ATXN7L1: variants seen among roughly 807,000 people sequenced by gnomAD.
ATXN7L1 encodes ataxin-7-like protein 1.
Under a neutral mutation model 70.8 loss-of-function variants are expected in ATXN7L1, and 15 were observed. That is an observed-to-expected ratio of 0.21 (90% CI 0.14 to 0.33). ATXN7L1 has a LOEUF of 0.33. Among genes scored for constraint, ATXN7L1 ranks in the 10% least tolerant of loss-of-function variants. ATXN7L1 has a pLI of 1.00. For synonymous variants in ATXN7L1, 440 were observed against 445.1 expected (o/e 0.99, Z 0.14); for missense variants, 975 against 1,097.1 (o/e 0.89, Z 1.57).
chr7:105,875,995 A>G (rs1490137159), intron 1 of ATXN7L1, 115 bp from the exon 2 acceptor site: 1 of 928,602 alleles, frequency 1.1e-6, no homozygotes, highest in East Asian at 2.4e-5. Context: ...TAAATACTGT[A>G]TATGAAATTC....
chr7:105,870,977 C>T (rs1414021376), intron 2 of ATXN7L1, among the ~76,000 whole-genome samples: 1 of 151,550 alleles, frequency 6.6e-6, no homozygotes, highest in Non-Finnish European at 1.5e-5. Context: ...CAGAATATTG[C>T]TTGTGTATGA....
chr7:105,648,381 A>G (rs1171807835), intron 4 of ATXN7L1, among the ~76,000 whole-genome samples: 2 of 152,148 alleles, frequency 1.3e-5, no homozygotes, highest in Non-Finnish European at 2.9e-5. Context: ...GATGGTGGGA[A>G]AGGCATTTGA....
chr7:105,864,373 G>A lies in ATXN7L1; in HGVS notation c.250+11439C>T, dbSNP rs559360993. On this transcript the variant is annotated intron_variant, in intron 2 of 11. Coordinates refer to ENST00000419735, the MANE Select transcript of ATXN7L1 (RefSeq NM_020725.2). ...CCTAGGAGTCTGAGGTAGAAGGATCGCTTGAGCCCTGGAGATCGACGCTGC... is the reference window on the plus strand; with the variant it reads ...CCTAGGAGTCTGAGGTAGAAGGATCACTTGAGCCCTGGAGATCGACGCTGC... Among the ~76,000 whole-genome samples, 40 of 145,156 alleles carry A rather than the reference G, an allele frequency of 2.8e-4. No homozygotes were observed. In the South Asian group the frequency reaches 8.0e-3, roughly 29 times the overall value.
chr7:105,831,510 G>T (rs377345037), intron 2 of ATXN7L1, among the ~76,000 whole-genome samples: 3 of 152,318 alleles, frequency 2.0e-5, no homozygotes, highest in East Asian at 3.9e-4. Context: ...GAGGAACTAT[G>T]AAAAGTGCTC....
chr7:105,657,278 G>A (rs982968578), intron 4 of ATXN7L1, among the ~76,000 whole-genome samples: 4 of 152,080 alleles, frequency 2.6e-5, no homozygotes, highest in African/African-American at 7.2e-5. Context: ...TGATGGGAGC[G>A]TAACATTTAA....
At chr7:105,671,247 C>A (rs901181107) in intron 3 of ATXN7L1, among the ~76,000 whole-genome samples, 2 of 148,298 alleles carry the variant, frequency 1.3e-5, no homozygotes, top group African/African-American at 2.5e-5. Context: ...TACACCACTG[C>A]ACTCCAGCCT....
chr7:105,666,137 TA>T (rs1288476041), intron 3 of ATXN7L1, among the ~76,000 whole-genome samples: 1 of 152,168 alleles, frequency 6.6e-6, no homozygotes, highest in African/African-American at 2.4e-5. Flanking sequence ...TGTTTTAGAA[TA>T]ACAGATCTGA....
intron 3 of ATXN7L1, among the ~76,000 whole-genome samples, chr7:105,718,964 G>A (rs1316071494): frequency 1.3e-5 from 2 of 152,182 alleles, no homozygotes; most frequent in Non-Finnish European, 1.5e-5. Context: ...AACAGGTGAT[G>A]AACAGCAGCC....
chr7:105,814,183 G>C, intron 2 of ATXN7L1, among the ~76,000 whole-genome samples: 1 of 152,204 alleles, frequency 6.6e-6, no homozygotes, highest in Non-Finnish European at 1.5e-5. Flanking sequence ...GGACCATCCA[G>C]TGTTTTCTCT....
intron 4 of ATXN7L1, among the ~76,000 whole-genome samples, chr7:105,645,761 C>T (rs1277126676): frequency 1.3e-5 from 2 of 151,522 alleles, no homozygotes; most frequent in South Asian, 4.2e-4. Flanking sequence ...TACAGTGAGC[C>T]GAGATAGTGC....
At chr7:105,729,748 T>C (rs1490815190) in intron 3 of ATXN7L1, among the ~76,000 whole-genome samples, 1 of 150,090 alleles carries the variant, frequency 6.7e-6, no homozygotes, top group Non-Finnish European at 1.5e-5. Context: ...TTTTTTTTTT[T>C]TTTTTCTGAG....
chr7:105,689,787 G>A (rs1030476725), intron 3 of ATXN7L1, among the ~76,000 whole-genome samples: 1 of 152,198 alleles, frequency 6.6e-6, no homozygotes, highest in Non-Finnish European at 1.5e-5. Flanking sequence ...GCGAAGGTCC[G>A]ATGGATCATG....
intron 3 of ATXN7L1, among the ~76,000 whole-genome samples, chr7:105,787,485 C>CACAGAT (rs1804478806): frequency 6.6e-6 from 1 of 152,082 alleles, no homozygotes; most frequent in Admixed American, 6.5e-5. Context: ...ACAGTATATA[C>CACAGAT]ACAGATACAG....
At chr7:105,841,417 C>T (rs1391116039) in intron 2 of ATXN7L1, among the ~76,000 whole-genome samples, 1 of 152,196 alleles carries the variant, frequency 6.6e-6, no homozygotes, top group Non-Finnish European at 1.5e-5. Context: ...CAATCATGGT[C>T]CAAAAATATT....
intron 7 of ATXN7L1, among the ~76,000 whole-genome samples, chr7:105,634,210 C>T (rs1461497491): frequency 1.3e-5 from 2 of 152,156 alleles, no homozygotes; most frequent in Non-Finnish European, 2.9e-5. Flanking sequence ...TCACTGTTTC[C>T]CCCTCCGTAC....
In ATXN7L1 at chr7:105,677,525, G is replaced by T. The variant is rs769704268; in HGVS notation, c.356-12237C>A. 1.1e-4 allele frequency among the ~76,000 whole-genome samples: 17 copies of T among 152,276 alleles called. No homozygotes were observed. The South Asian group carries it at 1.5e-3, about 13-fold the overall frequency. On this transcript the variant is annotated intron_variant, in intron 3 of 11. Coordinates refer to ENST00000419735, the MANE Select transcript of ATXN7L1 (RefSeq NM_020725.2). ...TCCTGTTTACTCTTTTATCTCCAGCGTTTAGCACAGGGTTTTGCCCTCAAG... is the reference window on the plus strand; with the variant it reads ...TCCTGTTTACTCTTTTATCTCCAGCTTTTAGCACAGGGTTTTGCCCTCAAG...
intron 3 of ATXN7L1, among the ~76,000 whole-genome samples, chr7:105,735,491 T>C (rs1584879258): frequency 2.0e-5 from 3 of 152,316 alleles, no homozygotes; most frequent in South Asian, 4.1e-4. Context: ...GATGAGATCT[T>C]GCAGCTGGCA....
chr7:105,614,842 G>A lies in ATXN7L1; in HGVS notation c.1518-26C>T, dbSNP rs1793630631. ...CTAAACATGAGAGAAGAGTGAAAGAGAATCAGTGAGACATCGGGTTGGCAT... is the reference window on the plus strand; with the variant it reads ...CTAAACATGAGAGAAGAGTGAAAGAAAATCAGTGAGACATCGGGTTGGCAT... On this transcript the variant is annotated intron_variant, in intron 9 of 11. Coordinates refer to ENST00000419735, the MANE Select transcript of ATXN7L1 (RefSeq NM_020725.2). This position sits in a 1 kb window ranked among gnomAD's most constrained non-coding sequence, Gnocchi z 4.3. 1 of 1,531,136 alleles carries A rather than the reference G, an allele frequency of 6.5e-7. No individual in the cohort carries two copies. The highest frequency in any genetic ancestry group is 8.8e-7 in the Non-Finnish European group (1 of 1,134,896). The allele number at this position is 1,531,136 out of a possible 1,614,324, so 94.8% of individuals were successfully genotyped here. A position where few individuals can be genotyped will look rare whatever the true frequency, so the allele number is the denominator to read the frequency against.
At chr7:105,730,826 G>A (rs1796453546) in intron 3 of ATXN7L1, among the ~76,000 whole-genome samples, 2 of 152,112 alleles carry the variant, frequency 1.3e-5, no homozygotes, top group Admixed American at 1.3e-4. Context: ...GAAAGCTATC[G>A]TGCAAAACTA....
Sources: gnomAD v4.1 joint callset for allele counts (sites outside exome capture counted in the v4.1 genomes callset) on GRCh38, gnomAD v4.1.1 for gene constraint, Gnocchi (gnomAD v3.1) non-coding constraint, MANE v1.5 for transcripts, NCBI Gene and HGNC (gene_info 2026-07-23, HGNC 2026-07-21) for gene names.